The following SI variants were observed in gnomAD, a reference collection of about 807,000 sequenced individuals.
SI encodes sucrase-isomaltase, intestinal.
In SI, 235 loss-of-function variants were observed where a neutral mutation model predicts 253.3. The ratio of observed to expected loss-of-function variants is 0.93; its 90% CI spans 0.83 to 1.03. SI has a LOEUF of 1.03. Ranked by LOEUF, SI falls within the 50% of genes least tolerant of loss-of-function variation. The pLI is 0.00. For missense variants in SI, 2,442 were observed against 2,211.1 expected (o/e 1.10, Z -2.09); for synonymous variants, 819 against 712.0 (o/e 1.15, Z -2.39).
chr3:165,012,820 G>A (rs1471733367), intron 34 of SI, among the ~76,000 whole-genome samples, 160 bp downstream of exon 34: 2 of 152,018 alleles, frequency 1.3e-5, no homozygotes, highest in South Asian at 2.1e-4. Context: ...TGTTATTTAG[G>A]AAAATTAGGT....
chr3:165,003,136 T>C (rs1446009018), intron 37 of SI, among the ~76,000 whole-genome samples: 2 of 151,868 alleles, frequency 1.3e-5, no homozygotes, highest in African/African-American at 2.4e-5. Context: ...AATGATGAAT[T>C]TATTTAAATT....
At chr3:165,065,079 A>C (rs1230640128) in intron 7 of SI, among the ~76,000 whole-genome samples, 182 bp downstream of exon 7, 1 of 152,042 alleles carries the variant, frequency 6.6e-6, no homozygotes, top group African/African-American at 2.4e-5. Context: ...TCTGTTGGTC[A>C]CTGAGTCAAT....
At chr3:165,042,166 G>A (rs776863924) in intron 17 of SI, among the ~76,000 whole-genome samples, 41 of 152,082 alleles carry the variant, frequency 2.7e-4, no homozygotes, top group Non-Finnish European at 2.9e-4. Flanking sequence ...GAATACAAGT[G>A]AACGCAGAGT....
chr3:165,081,377 T>A (rs1229122392), upstream of SI, among the ~76,000 whole-genome samples: 1 of 151,938 alleles, frequency 6.6e-6, no homozygotes, highest in Non-Finnish European at 1.5e-5. Flanking sequence ...ACACCTAGTG[T>A]AATTAGAACA....
intron 24 of SI, among the ~76,000 whole-genome samples, chr3:165,032,124 A>G (rs917294927): frequency 6.6e-6 from 1 of 151,350 alleles, no homozygotes; most frequent in African/African-American, 2.4e-5. Context: ...GAGAAAGACT[A>G]AAGAAATGAA....
In SI at chr3:164,991,372, C is replaced by G; in HGVS notation, c.5089G>C (p.Ala1697Pro). 1.2e-6 allele frequency: 2 copies of G among 1,613,724 alleles called. No homozygotes were observed. The highest frequency in any genetic ancestry group is 8.5e-7 in the Non-Finnish European group (1 of 1,179,762). ...GGHILPCQEP[A>P]QNTFYSRQKH... ...ACTTACCTGTAAAATGTGTTTTGAG[C>G]TGGCTCTTGACATGGTAGGATGTGA... Residue 1697 changes from alanine (A) to proline (P), a missense_variant, in exon 44 of 48, where the codon GCT (alanine) becomes CCT (proline). Coordinates refer to ENST00000264382, the MANE Select transcript of SI (RefSeq NM_001041.4).
the SI span, among the ~76,000 whole-genome samples, chr3:165,085,016 T>C: frequency 9.9e-5 from 15 of 152,108 alleles, no homozygotes; most frequent in African/African-American, 3.4e-4. Context: ...TTGAGAATCC[T>C]AAAACCAGCT....
chr3:165,063,343 G>A (rs1397108672), intron 8 of SI, 99 bp downstream of exon 8: 14 of 622,598 alleles, frequency 2.2e-5, no homozygotes, highest in Non-Finnish European at 3.8e-5. Context: ...CTATAATAGA[G>A]TTTACTCTCA....
At chr3:165,032,405 C>G in intron 24 of SI, 117 bp downstream of exon 24, 1 of 625,010 alleles carries the variant, frequency 1.6e-6, no homozygotes, top group Non-Finnish European at 2.7e-6. Flanking sequence ...AAGGAAGCAA[C>G]GAAGGGAAGA....
intron 34 of SI, among the ~76,000 whole-genome samples, chr3:165,009,955 A>G (rs1718697601): frequency 6.6e-6 from 1 of 152,076 alleles, no homozygotes; most frequent in Admixed American, 6.6e-5. Flanking sequence ...TGTCAGAGTA[A>G]CCGTGTTTTA....
chr3:164,985,690 T>G (rs78916701), intron 45 of SI, among the ~76,000 whole-genome samples: 7,330 of 152,246 alleles, frequency 0.048, 596 homozygotes, highest in African/African-American at 0.17. Context: ...ATCAATTTTT[T>G]TGATTAAAGT....
At chr3:165,057,959 T>G (rs1343102794) in intron 12 of SI, among the ~76,000 whole-genome samples, 2 of 152,036 alleles carry the variant, frequency 1.3e-5, no homozygotes, top group African/African-American at 4.8e-5. Context: ...TTACAGAATA[T>G]TGTATCCTAT....
rs148831941 is a variant in SI at position 165,009,325 on chromosome 3, A to C, written c.4133T>G (p.Ile1378Ser). The C allele has an allele frequency of 1.2e-4, 199 of 1,613,356 alleles. No homozygotes were observed. The highest frequency in any genetic ancestry group is 1.6e-4 in the Non-Finnish European group (187 of 1,179,512). The stretch of plus-strand genomic sequence containing the variant: ...CATCTTTTCATTGTAAAAGTCCACA[A>C]TTTCTCTGGCCCACCACTCTGCTGT... ...TSTAEWWAREIVDFYNEKMKF... is the reference protein window; with the variant it reads ...TSTAEWWARESVDFYNEKMKF... The change falls in exon 35 of 48, where the codon ATT becomes AGT. Residue 1378 changes from isoleucine to serine, a missense_variant. By Grantham distance (142) the Ile-to-Ser change is moderately radical. Transcript: ENST00000264382.
intron 17 of SI, 42 bp from the exon 18 acceptor site, chr3:165,041,136 A>G: frequency 6.4e-7 from 1 of 1,574,450 alleles, no homozygotes; most frequent in Non-Finnish European, 8.7e-7. Flanking sequence ...AAGCTAAAGT[A>G]TGAGTGAAAA....
intron 3 of SI, among the ~76,000 whole-genome samples, chr3:165,072,812 T>C (rs1714669977): frequency 6.8e-6 from 1 of 147,668 alleles, no homozygotes. Context: ...GTGAATAAGA[T>C]ACCATTTAAA....
chr3:164,979,718 C>T (rs981769636), intron 47 of SI, among the ~76,000 whole-genome samples: 15 of 151,782 alleles, frequency 9.9e-5, no homozygotes, highest in Non-Finnish European at 7.4e-5. Context: ...TATGACTTTA[C>T]TCTTTTCACA....
In SI at chr3:164,992,227, G is replaced by C; in HGVS notation, c.4933C>G (p.Gln1645Glu). The change falls in exon 43 of 48, where the codon CAA becomes GAA. Residue 1645 changes from glutamine to glutamate, a missense_variant. Gln to Glu is a conservative substitution (Grantham distance 29). Transcript: ENST00000264382. The part of the protein sequence containing the change: ...MVTPVLEPYV[Q>E]TVNAYVPNAR... ...TTGGGGACGTAGGCATTTACAGTTT[G>C]AACATACTGGAATGTAAATAAATAG... The C allele has an allele frequency of 6.2e-7, 1 of 1,612,550 alleles. No individual in the cohort carries two copies. The highest frequency in any genetic ancestry group is 8.5e-7 in the Non-Finnish European group (1 of 1,179,246).
chr3:165,029,354 C>G (rs573627138), intron 25 of SI, among the ~76,000 whole-genome samples: 2 of 150,728 alleles, frequency 1.3e-5, no homozygotes, highest in East Asian at 3.9e-4. Flanking sequence ...AGTACAACCA[C>G]TATGGACAAC....
intron 18 of SI, 137 bp downstream of exon 18, chr3:165,040,803 T>C (rs969175441): frequency 2.1e-5 from 14 of 675,610 alleles, no homozygotes; most frequent in Non-Finnish European, 3.4e-5. Flanking sequence ...TATATAGCTC[T>C]TCAAATCATT....
Sources: gnomAD v4.1 joint callset for allele counts (sites outside exome capture counted in the v4.1 genomes callset) on GRCh38, gnomAD v4.1.1 for gene constraint, MANE v1.5 for transcripts, NCBI Gene and HGNC (gene_info 2026-07-23, HGNC 2026-07-21) for gene names.